Variants in PHF21A observed in about 807,000 individuals in gnomAD.
PHF21A encodes the protein BHC80a.
A neutral mutation model predicts 82.5 loss-of-function variants in PHF21A; 11 were observed. The ratio of observed to expected loss-of-function variants is 0.13; its 90% CI spans 0.08 to 0.22. The LOEUF (loss-of-function observed/expected upper bound fraction) is 0.22, where lower values mean the gene tolerates loss of function less well. PHF21A is among the 10% of genes least tolerant of loss of function. The probability of loss-of-function intolerance (pLI) is 1.00; values close to 1 mark genes in which losing one functional copy is unlikely to be tolerated. For missense variants in PHF21A, 579 were observed against 837.8 expected, an observed-to-expected ratio of 0.69 and a Z score of 3.81; for synonymous variants, 297 against 302.8, an observed-to-expected ratio of 0.98 and a Z score of 0.20.
chr11:46,076,914 A>G (rs2134996909), intron 5 of PHF21A, 95 bp from the exon 6 acceptor site: 9 of 908,352 alleles, frequency 9.9e-6, no homozygotes, highest in Non-Finnish European at 8.9e-6. Flanking sequence ...CAAATGATGA[A>G]GCAACCCGAA....
intron 15 of PHF21A, among the ~76,000 whole-genome samples, chr11:45,940,157 T>C (rs1451285530): frequency 6.6e-6 from 1 of 152,142 alleles, no homozygotes; most frequent in Non-Finnish European, 1.5e-5. Flanking sequence ...GCTACACAAG[T>C]TTTAAGATAC....
In PHF21A at chr11:45,938,211, G is replaced by A. The variant is rs550281826; in HGVS notation, c.1554C>T (p.Pro518=). 3 of 1,606,276 alleles carry A rather than the reference G, an allele frequency of 1.9e-6. No individual in the cohort carries two copies. In the East Asian group the frequency reaches 6.7e-5, roughly 36 times the overall value. ...SRVYHLDCLD[P]PLKTIPKGMW... ...TGCCCTTGGGAATTGTTTTCAGAGG[G>A]GGGTCTAAGCAGTCCAAATGATATA... The change falls in exon 16 of 19, where the codon CCC becomes CCT. Residue 518 remains proline (P), a synonymous_variant. Coordinates refer to ENST00000676320, the MANE Select transcript of PHF21A (RefSeq NM_001352027.3).
intron 6 of PHF21A, among the ~76,000 whole-genome samples, chr11:46,017,559 G>C (rs1205126782): frequency 6.6e-6 from 1 of 150,502 alleles, no homozygotes; most frequent in Non-Finnish European, 1.5e-5. Flanking sequence ...ATAAGTTACA[G>C]TTCAGGATTT....
intron 18 of PHF21A, chr11:45,934,539 A>T (rs903888943): frequency 7.9e-5 from 24 of 303,800 alleles, no homozygotes; most frequent in Non-Finnish European, 1.3e-4. Flanking sequence ...CTTCCAAACA[A>T]AGGTTGTTTA....
At chr11:46,097,010 C>T (rs539214590) in intron 1 of PHF21A, among the ~76,000 whole-genome samples, 110 of 152,216 alleles carry the variant, frequency 7.2e-4, no homozygotes, top group Non-Finnish European at 1.2e-3. Context: ...CCACACTCCA[C>T]ATCTACTCCG....
chr11:46,048,417 T>C (rs2096289569), intron 6 of PHF21A, among the ~76,000 whole-genome samples: 1 of 152,338 alleles, frequency 6.6e-6, no homozygotes, highest in East Asian at 1.9e-4. Flanking sequence ...TCCATCAGTT[T>C]ATGGGTTGTT....
intron 6 of PHF21A, among the ~76,000 whole-genome samples, chr11:46,016,510 T>C (rs1052727300): frequency 6.6e-6 from 1 of 152,144 alleles, no homozygotes; most frequent in African/African-American, 2.4e-5. Context: ...GTCCAAACCT[T>C]ACCCATTCTA....
chr11:46,076,828 A>G lies in PHF21A; in HGVS notation c.88-9T>C, dbSNP rs892548625. 3 of 1,606,846 alleles carry G rather than the reference A, an allele frequency of 1.9e-6. No individual in the cohort carries two copies. Among genetic ancestry groups the G allele is most frequent in the African/African-American group, 2.7e-5 (2 of 74,788 alleles). ...TTCTTTAAGTCAGCATTCTGATTGG[A>G]AAGAAAAAATATCTGTGAGAAAGAT... On this transcript the variant is annotated splice_polypyrimidine_tract_variant and intron_variant, in intron 5 of 18. Transcript: ENST00000676320.
At chr11:46,013,454 A>G (rs368077380) in intron 6 of PHF21A, among the ~76,000 whole-genome samples, 1 of 152,172 alleles carries the variant, frequency 6.6e-6, no homozygotes, top group African/African-American at 2.4e-5. Context: ...TAGTGATGTA[A>G]TATTTTTGGG....
At chr11:45,944,790 G>C (rs1051339127) in intron 15 of PHF21A, among the ~76,000 whole-genome samples, 2 of 152,178 alleles carry the variant, frequency 1.3e-5, no homozygotes, top group Non-Finnish European at 2.9e-5. Flanking sequence ...TTTAGAGATG[G>C]AGTCTCACTC....
chr11:46,023,337 G>A (rs1276292502), intron 6 of PHF21A, among the ~76,000 whole-genome samples: 4 of 152,134 alleles, frequency 2.6e-5, no homozygotes, highest in Non-Finnish European at 5.9e-5. Context: ...AGTCTGTCTT[G>A]CACAGAGCTA....
At position 46,106,795 on chromosome 11, in the gene PHF21A, A is replaced by C. The variant is rs544743955; in HGVS notation, c.-237+14140T>G. ...GGCACTGCCATCTCAATGGGAGTAGAAGCTATCAGGGCAGGCAGCCCTTTC... is the reference window on the plus strand; with the variant it reads ...GGCACTGCCATCTCAATGGGAGTAGCAGCTATCAGGGCAGGCAGCCCTTTC... On this transcript the variant is annotated intron_variant, in intron 1 of 18. Transcript: ENST00000676320. Among the ~76,000 whole-genome samples the C allele has an allele frequency of 1.6e-4, 25 of 152,370 alleles. 1 individual carries two copies. The South Asian group carries it at 5.0e-3, about 30-fold the overall frequency.
intron 1 of PHF21A, among the ~76,000 whole-genome samples, chr11:46,108,520 T>C (rs947787670): frequency 6.6e-6 from 1 of 150,960 alleles, no homozygotes; most frequent in African/African-American, 2.4e-5. Context: ...AAGTAAACTT[T>C]GAGAGTATTA....
intron 6 of PHF21A, among the ~76,000 whole-genome samples, chr11:46,052,434 A>G (rs911099250): frequency 6.6e-6 from 1 of 152,292 alleles, no homozygotes; most frequent in Middle Eastern, 3.4e-3. Context: ...CTATCACTGG[A>G]AAGCAGAAGA....
Sources: allele counts gnomAD v4.1 joint callset (sites outside exome capture counted in the v4.1 genomes callset), GRCh38; gene constraint gnomAD v4.1.1; transcripts MANE v1.5; gene names NCBI Gene and HGNC (gene_info 2026-07-23, HGNC 2026-07-21).